The following TG variants were observed in gnomAD, a reference collection of about 807,000 sequenced individuals.
The protein encoded by TG is thyroid hormones.
Under a neutral mutation model 324.7 loss-of-function variants are expected in TG, and 270 were observed. That is an observed-to-expected ratio of 0.83 (90% CI 0.75 to 0.92). The LOEUF (loss-of-function observed/expected upper bound fraction) is 0.92. Among genes scored for constraint, TG ranks in the 40% least tolerant of loss-of-function variants. The pLI is 0.00. For synonymous variants in TG, 1,401 were observed against 1,327.0 expected (o/e 1.06, Z -1.21); for missense variants, 3,591 against 3,456.4 (o/e 1.04, Z -0.98).
chr8:133,029,872 T>C lies in TG; in HGVS notation c.7088T>C (p.Leu2363Pro). 1.2e-6 allele frequency: 2 copies of C among 1,614,236 alleles called. No individual in the cohort carries two copies. The highest frequency in any genetic ancestry group is 1.7e-6 in the Non-Finnish European group (2 of 1,180,030). Residue 2363 changes from leucine (L) to proline (P), a missense_variant, in exon 41 of 48, where the codon CTG becomes CCG. By Grantham distance (98) the Leu-to-Pro change is moderately conservative. Transcript: ENST00000220616. ...NWGLLDQVAALTWVQTHIRGF... is the reference protein window; with the variant it reads ...NWGLLDQVAAPTWVQTHIRGF... ...GGGCTGCTGGACCAGGTGGCGGCTC[T>C]GACCTGGGTGCAGACCCACATCCGA...
chr8:132,881,798 C>CT, intron 5 of TG, 65 bp from the exon 6 acceptor site: 2 of 1,155,876 alleles, frequency 1.7e-6, no homozygotes, highest in Middle Eastern at 1.9e-4. Flanking sequence ...ACATTTATTT[C>CT]TACAGGAAAA....
chr8:132,983,281 T>C (rs1437982438), intron 34 of TG, 69 bp from the exon 35 acceptor site: 6 of 1,515,978 alleles, frequency 4.0e-6, no homozygotes, highest in Non-Finnish European at 5.5e-6. Flanking sequence ...ATACTTATAT[T>C]AATGCCTTCT....
intron 43 of TG, among the ~76,000 whole-genome samples, chr8:133,109,717 C>A (rs1850110228): frequency 6.6e-6 from 1 of 152,192 alleles, no homozygotes; most frequent in Non-Finnish European, 1.5e-5. Flanking sequence ...AGGGACCCAG[C>A]ACAGCATCTG....
At chr8:132,950,655 T>C (rs567528340) in intron 27 of TG, among the ~76,000 whole-genome samples, 10 of 152,284 alleles carry the variant, frequency 6.6e-5, no homozygotes, top group East Asian at 3.9e-4. Flanking sequence ...TGTGGAAAGT[T>C]TGTCTGTGAT....
At chr8:132,919,720 G>A (rs1820854799) in intron 21 of TG, among the ~76,000 whole-genome samples, 195 bp downstream of exon 21, 1 of 152,188 alleles carries the variant, frequency 6.6e-6, no homozygotes, top group Non-Finnish European at 1.5e-5. Context: ...AGTTGTGACA[G>A]CCAAACATGT....
Position 132,887,665 on chromosome 8 carries a change from C to A in TG, c.2176+117C>A, listed in dbSNP as rs1815619964. Reference sequence around the variant, plus strand: ...CCAATGCTTACACTTCAGTTAAGGACAAAATTGACTGCTTATATTAAAAAT... The same window carrying A: ...CCAATGCTTACACTTCAGTTAAGGAAAAAATTGACTGCTTATATTAAAAAT... On this transcript the variant is annotated intron_variant, in intron 9 of 47. Coordinates refer to ENST00000220616, the MANE Select transcript of TG (RefSeq NM_003235.5). 3.0e-6 allele frequency: 4 copies of A among 1,348,286 alleles called. No individual in the cohort carries two copies. The Admixed American group carries it at 6.9e-5, about 23-fold the overall frequency. The allele number at this position is 1,348,286 out of a possible 1,614,324, so 83.5% of individuals were successfully genotyped here.
intron 2 of TG, 154 bp downstream of exon 2, chr8:132,868,377 C>T: frequency 2.7e-6 from 2 of 737,842 alleles, no homozygotes; most frequent in Non-Finnish European, 2.3e-6. Context: ...TTCAGTTCCA[C>T]TGTCATTTGG....
chr8:132,923,356 G>A lies in TG; in HGVS notation c.4547G>A (p.Arg1516Lys), dbSNP rs1821373649. ...SQTHCVTDCQ[R>K]NEAGLQCDQN... ...GTTCTAGGTGTCACTGACTGTCAGAGGAACGAAGCAGGCCTGCAATGTGAC... is the reference window on the plus strand; with the variant it reads ...GTTCTAGGTGTCACTGACTGTCAGAAGAACGAAGCAGGCCTGCAATGTGAC... The change falls in exon 22 of 48, where the codon AGG becomes AAG. Residue 1516 changes from arginine (R) to lysine (K), a missense_variant. Physicochemically the swap from Arg to Lys is conservative, Grantham distance 26. Coordinates refer to ENST00000220616, the MANE Select transcript of TG (RefSeq NM_003235.5). The A allele has an allele frequency of 3.7e-6, 6 of 1,614,040 alleles. No homozygotes were observed. The East Asian group carries it at 1.3e-4, about 36-fold the overall frequency.
intron 25 of TG, among the ~76,000 whole-genome samples, chr8:132,938,840 C>T (rs1323866162): frequency 6.6e-6 from 1 of 152,186 alleles, no homozygotes; most frequent in East Asian, 1.9e-4. Context: ...ATCACGAGGT[C>T]AGGAGATTGA....
At chr8:133,008,009 C>T (rs1294760729) in intron 35 of TG, among the ~76,000 whole-genome samples, 1 of 152,034 alleles carries the variant, frequency 6.6e-6, no homozygotes, top group Non-Finnish European at 1.5e-5. Context: ...AAAATATAAA[C>T]ACATAAGTAA....
chr8:132,964,945 A>G (rs1409384147), intron 29 of TG: 1 of 702,130 alleles, frequency 1.4e-6, no homozygotes, highest in Admixed American at 2.0e-5. Context: ...TATACCTGAG[A>G]AAAGGTGTTC....
chr8:133,084,197 A>C (rs187865008), intron 41 of TG, among the ~76,000 whole-genome samples: 1 of 152,302 alleles, frequency 6.6e-6, no homozygotes, highest in East Asian at 1.9e-4. Context: ...AGAGAGGGGC[A>C]GTCTAGGGGC....
At chr8:133,025,524 C>A (rs776233450) in intron 40 of TG, among the ~76,000 whole-genome samples, 1 of 152,162 alleles carries the variant, frequency 6.6e-6, no homozygotes, top group African/African-American at 2.4e-5. Flanking sequence ...TTATAAGATG[C>A]TTTGGTTGGG....
intron 20 of TG, among the ~76,000 whole-genome samples, chr8:132,916,870 C>T (rs1001790223): frequency 3.3e-5 from 5 of 152,012 alleles, no homozygotes; most frequent in Non-Finnish European, 5.9e-5. Context: ...TTCACTCATT[C>T]ACTATAATTT....
chr8:133,052,875 C>T (rs985040119), intron 41 of TG, among the ~76,000 whole-genome samples: 16 of 152,166 alleles, frequency 1.1e-4, no homozygotes, highest in African/African-American at 3.1e-4. Flanking sequence ...CTGAGTGGGA[C>T]GCCTCCTTCT....
At chr8:132,937,772 T>C (rs377132135) in intron 25 of TG, among the ~76,000 whole-genome samples, 2 of 150,172 alleles carry the variant, frequency 1.3e-5, no homozygotes, top group Non-Finnish European at 3.0e-5. Flanking sequence ...ATTTTTTTTT[T>C]CAACATCACA....
At position 133,050,725 on chromosome 8, in the gene TG, T is replaced by A. The variant is rs1840241702; in HGVS notation, c.7239+20702T>A. On this transcript the variant is annotated intron_variant, in intron 41 of 47. Coordinates refer to ENST00000220616, the MANE Select transcript of TG (RefSeq NM_003235.5). Reference sequence around the variant, plus strand: ...AATAGGACCAGGACTCATGTGGAACTAGACCACTCTAGCTAACAATCAAAT... The same window carrying A: ...AATAGGACCAGGACTCATGTGGAACAAGACCACTCTAGCTAACAATCAAAT... 7 of 845,648 alleles carry A rather than the reference T, an allele frequency of 8.3e-6. No homozygotes were observed. The South Asian group carries it at 1.0e-4, about 12-fold the overall frequency. 52.4% of individuals were successfully genotyped at this position (845,648 alleles called of 1,614,324 possible). A position where few individuals can be genotyped will look rare whatever the true frequency, so the allele number is the denominator to read the frequency against.
chr8:132,936,899 G>T (rs1325468166), intron 25 of TG, among the ~76,000 whole-genome samples: 1 of 152,176 alleles, frequency 6.6e-6, no homozygotes, highest in African/African-American at 2.4e-5. Flanking sequence ...TGCCTGTGTG[G>T]AACCCCTCCT....
At chr8:133,075,493 T>C (rs144221897) in intron 41 of TG, among the ~76,000 whole-genome samples, 103 of 152,350 alleles carry the variant, frequency 6.8e-4, no homozygotes, top group African/African-American at 2.4e-3. Flanking sequence ...GGCAGTTGTT[T>C]GAATATATAC....
Sources: gnomAD v4.1 joint callset for allele counts (sites outside exome capture counted in the v4.1 genomes callset) on GRCh38, gnomAD v4.1.1 for gene constraint, MANE v1.5 for transcripts, NCBI Gene and HGNC (gene_info 2026-07-23, HGNC 2026-07-21) for gene names.